EEFSEC: variants seen among roughly 807,000 people sequenced by gnomAD.
EEFSEC encodes the protein eukaryotic elongation factor, selenocysteine-tRNA specific, also known as selenocysteine-specific elongation factor.
Under a neutral mutation model 42.1 loss-of-function variants are expected in EEFSEC, and 43 were observed. That is an observed-to-expected ratio of 1.02 (90% CI 0.80 to 1.32). The LOEUF (loss-of-function observed/expected upper bound fraction) is 1.32. Ranked by LOEUF, EEFSEC falls within the 40% of genes most tolerant of loss-of-function variation. The pLI is 0.00. For synonymous variants in EEFSEC, 354 were observed against 339.1 expected, an observed-to-expected ratio of 1.04 and a Z score of -0.48; for missense variants, 745 against 803.6, an observed-to-expected ratio of 0.93 and a Z score of 0.88.
chr3:128,393,250 C>A (rs1559955910), intron 6 of EEFSEC, among the ~76,000 whole-genome samples: 2 of 152,140 alleles, frequency 1.3e-5, no homozygotes, highest in African/African-American at 2.4e-5. Context: ...CAGTGCACCA[C>A]CCCCCAGGCA....
the EEFSEC span, among the ~76,000 whole-genome samples, chr3:128,417,824 T>C: frequency 1.3e-5 from 2 of 152,094 alleles, no homozygotes; most frequent in Non-Finnish European, 2.9e-5. This position sits in a 1 kb window ranked among gnomAD's most constrained non-coding sequence, Gnocchi z 4.3. Flanking sequence ...TGACAGGGCA[T>C]GTGCACTCCG....
At chr3:128,154,650 C>T (rs1010400903) in intron 1 of EEFSEC, among the ~76,000 whole-genome samples, 2 of 152,000 alleles carry the variant, frequency 1.3e-5, no homozygotes, top group Admixed American at 1.3e-4. Context: ...CGGGTTTCAC[C>T]ATGTTGGTCA....
At chr3:128,175,807 C>T (rs989709073) in intron 1 of EEFSEC, among the ~76,000 whole-genome samples, 3 of 152,156 alleles carry the variant, frequency 2.0e-5, no homozygotes, top group African/African-American at 7.2e-5. Context: ...TAGGCCTCAG[C>T]GTGGGGCCTG....
intron 4 of EEFSEC, among the ~76,000 whole-genome samples, chr3:128,316,447 T>G (rs2066946033): frequency 6.6e-6 from 1 of 152,176 alleles, no homozygotes; most frequent in Non-Finnish European, 1.5e-5. Context: ...CTCTCTTCAC[T>G]CACTGCATCC....
At chr3:128,334,503 C>G (rs767754873) in intron 4 of EEFSEC, among the ~76,000 whole-genome samples, 1 of 152,246 alleles carries the variant, frequency 6.6e-6, no homozygotes, top group Non-Finnish European at 1.5e-5. Flanking sequence ...CAGCGTTTAT[C>G]GTCCCAAGTC....
At chr3:128,413,217 C>T (rs764575916), downstream of EEFSEC, among the ~76,000 whole-genome samples, 2 of 152,092 alleles carry the variant, frequency 1.3e-5, no homozygotes, top group Non-Finnish European at 2.9e-5. Context: ...TGGGAAGGCT[C>T]GGGGATTGAA....
intron 1 of EEFSEC, among the ~76,000 whole-genome samples, chr3:128,197,229 G>A (rs1009427168): frequency 6.6e-6 from 1 of 152,216 alleles, no homozygotes; most frequent in African/African-American, 2.4e-5. Context: ...TCCTAGGTTG[G>A]ATTATTTGCT....
intron 6 of EEFSEC, among the ~76,000 whole-genome samples, chr3:128,382,103 G>T (rs2067783181): frequency 6.6e-6 from 1 of 152,242 alleles, no homozygotes; most frequent in African/African-American, 2.4e-5. Flanking sequence ...CTAGAATGGG[G>T]GCTATGACGC....
chr3:128,256,152 A>C (rs2066239637), intron 2 of EEFSEC, among the ~76,000 whole-genome samples: 1 of 152,178 alleles, frequency 6.6e-6, no homozygotes, highest in Non-Finnish European at 1.5e-5. Flanking sequence ...TCTTTTATTA[A>C]GTCAGAAAAA....
At chr3:128,302,157 A>G (rs1320543082) in intron 4 of EEFSEC, among the ~76,000 whole-genome samples, 1 of 152,196 alleles carries the variant, frequency 6.6e-6, no homozygotes, top group Non-Finnish European at 1.5e-5. Context: ...ATCTTGGTCC[A>G]AAGGCAGTCG....
At chr3:128,162,933 G>C (rs916194417) in intron 1 of EEFSEC, among the ~76,000 whole-genome samples, 1 of 152,084 alleles carries the variant, frequency 6.6e-6, no homozygotes, top group African/African-American at 2.4e-5. Flanking sequence ...CATCCCCTTT[G>C]TTTTCTATCA....
At chr3:128,416,333 C>T in the EEFSEC span, among the ~76,000 whole-genome samples, 2 of 152,166 alleles carry the variant, frequency 1.3e-5, no homozygotes, top group African/African-American at 2.4e-5. Flanking sequence ...GCCCACCCTG[C>T]AGGACCTCCC....
At chr3:128,403,249 A>T (rs1191858304) in intron 6 of EEFSEC, among the ~76,000 whole-genome samples, 1 of 152,120 alleles carries the variant, frequency 6.6e-6, no homozygotes, top group African/African-American at 2.4e-5. Context: ...AGGCAGAGGG[A>T]TTGGCAATGA....
At chr3:128,239,422 T>C (rs963613671) in intron 1 of EEFSEC, among the ~76,000 whole-genome samples, 1 of 152,158 alleles carries the variant, frequency 6.6e-6, no homozygotes, top group African/African-American at 2.4e-5. Flanking sequence ...CTTACTGTGT[T>C]GTCTCTGGCA....
intron 6 of EEFSEC, among the ~76,000 whole-genome samples, chr3:128,365,913 C>T (rs949464589): frequency 1.3e-5 from 2 of 152,210 alleles, no homozygotes; most frequent in African/African-American, 4.8e-5. Context: ...TTGCCTCAGC[C>T]GTTGGATGGC....
intron 1 of EEFSEC, among the ~76,000 whole-genome samples, chr3:128,198,847 T>G (rs1313348182): frequency 6.6e-6 from 1 of 152,148 alleles, no homozygotes; most frequent in South Asian, 2.1e-4. Context: ...TTTTTCTTTT[T>G]TTGAGGTGGA....
chr3:128,403,505 A>G (rs1016090192), intron 6 of EEFSEC, among the ~76,000 whole-genome samples: 5 of 152,184 alleles, frequency 3.3e-5, no homozygotes, highest in African/African-American at 1.2e-4. Context: ...GACACCAGGC[A>G]GATGGGCAGT....
At chr3:128,241,545 A>T (rs539613622) in intron 1 of EEFSEC, among the ~76,000 whole-genome samples, 6 of 151,960 alleles carry the variant, frequency 3.9e-5, no homozygotes, top group Admixed American at 3.3e-4. Context: ...GGGTTTCACT[A>T]TGTTGCCTAG....
chr3:128,262,299 C>T, intron 3 of EEFSEC, 75 bp downstream of exon 3: 1 of 1,332,478 alleles, frequency 7.5e-7, no homozygotes, highest in Non-Finnish European at 1.1e-6. Flanking sequence ...TCCCTCTCTC[C>T]CCTGAGAGAG....
Sources: allele counts gnomAD v4.1 joint callset (sites outside exome capture counted in the v4.1 genomes callset), GRCh38; gene constraint gnomAD v4.1.1; non-coding constraint Gnocchi (gnomAD v3.1); transcripts MANE v1.5; gene names NCBI Gene and HGNC (gene_info 2026-07-23, HGNC 2026-07-21).